The following PPP2R5C variants were observed in gnomAD, a reference collection of about 807,000 sequenced individuals.
PPP2R5C encodes the protein protein phosphatase 2 regulatory subunit B'gamma.
Under a neutral mutation model 68.9 loss-of-function variants are expected in PPP2R5C, and 7 were observed. That is an observed-to-expected ratio of 0.10 (90% confidence interval 0.06 to 0.19). The LOEUF (loss-of-function observed/expected upper bound fraction) is 0.19, where lower values mean the gene tolerates loss of function less well. Ranked by LOEUF, PPP2R5C falls within the 10% of genes least tolerant of loss-of-function variation. The pLI is 1.00. For missense variants in PPP2R5C, 348 were observed against 641.3 expected (o/e 0.54, Z 4.94); for synonymous variants, 210 against 222.2 (o/e 0.95, Z 0.49).
chr14:101,776,372 G>A (rs547288399), intron 2 of PPP2R5C, among the ~76,000 whole-genome samples: 29 of 152,124 alleles, frequency 1.9e-4, no homozygotes, highest in East Asian at 7.7e-4. Context: ...AAACCAGATC[G>A]CTAAACAGTA....
At chr14:101,871,797 A>G (rs2043436173) in intron 2 of PPP2R5C, among the ~76,000 whole-genome samples, 1 of 151,878 alleles carries the variant, frequency 6.6e-6, no homozygotes, top group Admixed American at 6.6e-5. Flanking sequence ...TTTAATTGTT[A>G]GTCTTTTCTA....
chr14:101,767,458 TG>T (rs1289315175), intron 2 of PPP2R5C, among the ~76,000 whole-genome samples: 1 of 152,218 alleles, frequency 6.6e-6, no homozygotes, highest in Non-Finnish European at 1.5e-5. Context: ...ACAGTCATTT[TG>T]TTCGGCACAA....
chr14:101,763,049 C>G, intron 2 of PPP2R5C, 79 bp downstream of exon 2: 1 of 1,224,286 alleles, frequency 8.2e-7, no homozygotes, highest in South Asian at 1.4e-5. Flanking sequence ...GTGATAAAGC[C>G]TAGAATCTTC....
chr14:101,762,169 G>C (rs1424799131), intron 1 of PPP2R5C, among the ~76,000 whole-genome samples: 1 of 151,728 alleles, frequency 6.6e-6, no homozygotes, highest in African/African-American at 2.4e-5. Context: ...GGACCTTCGT[G>C]ATGGGCCGGG....
intron 1 of PPP2R5C, among the ~76,000 whole-genome samples, chr14:101,849,196 G>A (rs368000098): frequency 2.6e-5 from 4 of 152,192 alleles, no homozygotes; most frequent in African/African-American, 7.2e-5. Flanking sequence ...CTGTTAGGAC[G>A]TTGTGCTGTG....
At chr14:101,815,568 T>A (rs1167880002) in intron 1 of PPP2R5C, among the ~76,000 whole-genome samples, 1 of 152,208 alleles carries the variant, frequency 6.6e-6, no homozygotes, top group Non-Finnish European at 1.5e-5. Context: ...GAACTTGTTC[T>A]CTGGTGACAC....
rs138396071 is a variant in PPP2R5C at position 101,822,711 on chromosome 14, A to G, written c.94+12675A>G. On this transcript the variant is annotated intron_variant, in intron 1 of 13. Coordinates refer to ENST00000334743, the Ensembl canonical transcript of PPP2R5C. ...AAACTTCTGGGGACTGACTTTTCTCATTCAAATAGTCTAATATCAGTGGAT... is the reference window on the plus strand; with the variant it reads ...AAACTTCTGGGGACTGACTTTTCTCGTTCAAATAGTCTAATATCAGTGGAT... Among the ~76,000 whole-genome samples the G allele has an allele frequency of 9.0e-4, 137 of 152,318 alleles. 1 individual carries two copies. The highest frequency in any genetic ancestry group is 3.1e-3 in the African/African-American group (128 of 41,568).
intron 1 of PPP2R5C, among the ~76,000 whole-genome samples, chr14:101,811,660 C>T (rs956412458): frequency 6.6e-6 from 1 of 152,076 alleles, no homozygotes; most frequent in African/African-American, 2.4e-5. Flanking sequence ...TTCTTAAAAA[C>T]GAACTAGTTA....
chr14:101,899,305 A>G lies in PPP2R5C; in HGVS notation c.853-2414A>G, dbSNP rs2141013351. Among the ~76,000 whole-genome samples the G allele has an allele frequency of 6.6e-6, 1 of 152,314 alleles. No individual in the cohort carries two copies. The highest frequency in any genetic ancestry group is 2.4e-5 in the African/African-American group (1 of 41,564). On this transcript the variant is annotated intron_variant, in intron 8 of 13. Transcript: ENST00000334743. This position sits in a 1 kb window ranked among gnomAD's most constrained non-coding sequence, Gnocchi z 4.2. ...TTTCTCCTTGGTCTACCAGGACAGG[A>G]AGGGGGCTCCCCAAGACTCAAGGCT...
chr14:101,819,875 T>C (rs918963654), intron 1 of PPP2R5C: 1 of 152,276 alleles, frequency 6.6e-6, no homozygotes, highest in African/African-American at 2.4e-5. Flanking sequence ...CCTCCTGCTT[T>C]GGCCTCCCAG....
At chr14:101,921,298 A>C (rs912947098) in intron 13 of PPP2R5C, 2 of 157,816 alleles carry the variant, frequency 1.3e-5, no homozygotes, top group South Asian at 2.9e-4. Flanking sequence ...TCCTGGTCTC[A>C]AGTGATCTGC....
intron 8 of PPP2R5C, among the ~76,000 whole-genome samples, chr14:101,898,710 T>A (rs1260617919): frequency 1.3e-5 from 2 of 152,214 alleles, no homozygotes; most frequent in Non-Finnish European, 2.9e-5. Flanking sequence ...ACTTCATTGC[T>A]TAGTTTCCTG....
chr14:101,778,848 T>C lies in PPP2R5C; in HGVS notation c.94-7170T>C, dbSNP rs2037544478. On this transcript the variant is annotated intron_variant, in intron 2 of 14. Coordinates refer to the PPP2R5C transcript ENST00000328724. ...CCACAGCAGATTGGATTGCTTGAGC[T>C]TAGGAGTTCAAGACCTGCCTGGACA... Among the ~76,000 whole-genome samples the C allele has an allele frequency of 1.3e-5, 2 of 152,130 alleles. 1 individual carries two copies. Among genetic ancestry groups the C allele is most frequent in the African/African-American group, 4.8e-5 (2 of 41,418 alleles).
chr14:101,894,658 T>C, intron 8 of PPP2R5C, 98 bp downstream of exon 10: 1 of 1,181,882 alleles, frequency 8.5e-7, no homozygotes, highest in Non-Finnish European at 1.3e-6. Context: ...CATTCAGACT[T>C]TTTCATCTTA....
chr14:101,875,177 G>A (rs2043680860), intron 2 of PPP2R5C, among the ~76,000 whole-genome samples: 1 of 152,180 alleles, frequency 6.6e-6, no homozygotes, highest in African/African-American at 2.4e-5. Flanking sequence ...GCATCTATTT[G>A]GAGGTGAAAT....
intron 2 of PPP2R5C, among the ~76,000 whole-genome samples, chr14:101,875,824 TATG>T (rs2043733493): frequency 6.6e-6 from 1 of 152,228 alleles, no homozygotes; most frequent in African/African-American, 2.4e-5. Context: ...ATCTTTGTAA[TATG>T]ATCTCATTCC....
At chr14:101,887,655 G>A (rs1232340103) in intron 5 of PPP2R5C, among the ~76,000 whole-genome samples, 2 of 152,208 alleles carry the variant, frequency 1.3e-5, no homozygotes, top group Non-Finnish European at 2.9e-5. Flanking sequence ...GGGAGAGGCA[G>A]GACCCCCAGT....
chr14:101,852,472 T>TTC, intron 1 of PPP2R5C, among the ~76,000 whole-genome samples: 1 of 146,114 alleles, frequency 6.8e-6, no homozygotes, highest in Non-Finnish European at 1.5e-5. Flanking sequence ...TCTTTTTCTT[T>TTC]TTTTTTTTTT....
At chr14:101,778,255 T>G (rs559281021) in intron 2 of PPP2R5C, among the ~76,000 whole-genome samples, 1 of 152,344 alleles carries the variant, frequency 6.6e-6, no homozygotes, top group Admixed American at 6.5e-5. Context: ...TTTGCCCATT[T>G]TTTAATCGGG....
Sources: gnomAD v4.1 joint callset for allele counts (sites outside exome capture counted in the v4.1 genomes callset) on GRCh38, gnomAD v4.1.1 for gene constraint, Gnocchi (gnomAD v3.1) non-coding constraint, MANE v1.5 for transcripts, NCBI Gene and HGNC (gene_info 2026-07-23, HGNC 2026-07-21) for gene names.